The following RNGTT variants were observed in gnomAD, a reference collection of about 807,000 sequenced individuals.
The protein encoded by RNGTT is mRNA-capping enzyme.
A neutral mutation model predicts 79.3 loss-of-function variants in RNGTT; 33 were observed. The ratio of observed to expected loss-of-function variants is 0.42; its 90% confidence interval spans 0.32 to 0.56. The LOEUF (loss-of-function observed/expected upper bound fraction) is 0.56, where lower values mean the gene tolerates loss of function less well. RNGTT is among the 20% of genes least tolerant of loss of function. The probability of loss-of-function intolerance (pLI) is 0.17; values close to 1 mark genes in which losing one functional copy is unlikely to be tolerated. For synonymous variants in RNGTT, 222 were observed against 235.9 expected (o/e 0.94, Z 0.54); for missense variants, 497 against 739.1 (o/e 0.67, Z 3.80).
At chr6:88,880,618 T>C (rs994900710) in intron 8 of RNGTT, among the ~76,000 whole-genome samples, 2 of 152,188 alleles carry the variant, frequency 1.3e-5, no homozygotes, top group African/African-American at 4.8e-5. Flanking sequence ...TTTTCCTGTG[T>C]CGAGCATAAT....
intron 14 of RNGTT, among the ~76,000 whole-genome samples, chr6:88,621,018 CACTT>C (rs1772424081): frequency 1.3e-5 from 2 of 152,190 alleles, no homozygotes; most frequent in Admixed American, 6.6e-5. Context: ...TGGACATAAA[CACTT>C]AGTTATTTGG....
Position 88,678,387 on chromosome 6 carries a change from A to G in RNGTT, c.1472T>C (p.Val491Ala), listed in dbSNP as rs1425033024. The part of the protein sequence containing the change: ...LLPQNVGLLY[V>A]GGYERPFAQI... Reference sequence around the variant, plus strand: ...TGCAAAGGGTCTTTCATAACCTCCAACATACAGGAGGCCAACATTCTGAGG... The same window carrying G: ...TGCAAAGGGTCTTTCATAACCTCCAGCATACAGGAGGCCAACATTCTGAGG... The change falls in exon 14 of 16, where the codon GTT becomes GCT. Residue 491 changes from valine to alanine, a missense_variant. Val to Ala is a moderately conservative substitution (Grantham distance 64, BLOSUM62 0). Transcript: ENST00000369485. The G allele has an allele frequency of 6.7e-7, 1 of 1,493,824 alleles. No homozygotes were observed. The highest frequency in any genetic ancestry group is 9.0e-7 in the Non-Finnish European group (1 of 1,115,676). 92.5% of individuals were successfully genotyped at this position (1,493,824 alleles called of 1,614,324 possible).
At chr6:88,635,558 A>G (rs1773068459) in intron 14 of RNGTT, among the ~76,000 whole-genome samples, 4 of 152,064 alleles carry the variant, frequency 2.6e-5, no homozygotes, top group Admixed American at 2.6e-4. Flanking sequence ...TCTCTCCTCT[A>G]TATCACACTG....
chr6:88,759,342 G>T (rs767695445), intron 13 of RNGTT, among the ~76,000 whole-genome samples: 9 of 152,094 alleles, frequency 5.9e-5, no homozygotes, highest in Non-Finnish European at 1.2e-4. Flanking sequence ...TCCCTACCCG[G>T]CTCTAGAATA....
intron 14 of RNGTT, among the ~76,000 whole-genome samples, chr6:88,676,246 T>C (rs1396942916): frequency 1.3e-5 from 2 of 152,164 alleles, no homozygotes; most frequent in African/African-American, 4.8e-5. Flanking sequence ...AGAAATAGAT[T>C]CACACATATA....
At chr6:88,833,789 C>T (rs1302037135) in intron 11 of RNGTT, among the ~76,000 whole-genome samples, 4 of 152,148 alleles carry the variant, frequency 2.6e-5, no homozygotes, top group Admixed American at 6.5e-5. Context: ...TTTGGGAGGC[C>T]GAGGCAGGCA....
Position 88,885,899 on chromosome 6 carries a change from T to C in RNGTT, c.896+4596A>G, listed in dbSNP as rs573280868. Among the ~76,000 whole-genome samples the C allele has an allele frequency of 7.2e-5, 11 of 152,310 alleles. No homozygotes were observed. The East Asian group carries it at 2.1e-3, about 29-fold the overall frequency. On this transcript the variant is annotated intron_variant, in intron 8 of 15. Transcript: ENST00000369485. ...TACTACTGTGATGTTCTTGCAAGCA[T>C]GCCCAACTTGAATCATGAGGAAACA...
intron 14 of RNGTT, among the ~76,000 whole-genome samples, chr6:88,648,318 C>A (rs755041099): frequency 1.3e-5 from 2 of 151,944 alleles, no homozygotes; most frequent in Non-Finnish European, 2.9e-5. Context: ...AATATCAGTA[C>A]CCCCAATATT....
chr6:88,930,475 G>T (rs1358847864), intron 2 of RNGTT, among the ~76,000 whole-genome samples: 2 of 151,586 alleles, frequency 1.3e-5, no homozygotes, highest in Non-Finnish European at 1.5e-5. Context: ...TGTTTGGGGG[G>T]AAAAAGATTA....
At chr6:88,773,904 G>A (rs1778783495) in intron 12 of RNGTT, among the ~76,000 whole-genome samples, 1 of 152,116 alleles carries the variant, frequency 6.6e-6, no homozygotes, top group South Asian at 2.1e-4. Flanking sequence ...TTTGGCAGTA[G>A]ATTTTTAGTT....
In RNGTT at chr6:88,614,282, G is replaced by T. The variant is rs776404193; in HGVS notation, c.1620C>A (p.Asn540Lys). The T allele has an allele frequency of 6.2e-7, 1 of 1,613,878 alleles. No homozygotes were observed. Among genetic ancestry groups the T allele is most frequent in the South Asian group, 1.1e-5 (1 of 91,068 alleles). ...RTDKSFPNAY[N>K]TAMAVCNSIS... ...AGTTGTCATACTCACCCATGGCAGT[G>T]TTGTAGGCATTAGGAAAACTTTTGT... Residue 540 changes from asparagine (N) to lysine (K), a missense_variant, in exon 15 of 16, where the codon AAC (asparagine) becomes AAA (lysine). Transcript: ENST00000369485.
rs375250435 is a variant in RNGTT, at chr6:88,753,325, G to A, written c.1439+16449C>T. 5.3e-5 allele frequency among the ~76,000 whole-genome samples: 8 copies of A among 152,008 alleles called. No individual in the cohort carries two copies. The East Asian group carries it at 9.7e-4, about 18-fold the overall frequency. On this transcript the variant is annotated intron_variant, in intron 13 of 15. Coordinates refer to ENST00000369485, the MANE Select transcript of RNGTT (RefSeq NM_003800.5). The stretch of plus-strand genomic sequence containing the variant: ...TTGAGAACAGCCTAGGCAACACAGT[G>A]AGACCCTATCTCTACAAAAATTTAA...
At chr6:88,894,057 A>G (rs1423033501) in intron 6 of RNGTT, among the ~76,000 whole-genome samples, 1 of 152,162 alleles carries the variant, frequency 6.6e-6, no homozygotes, top group South Asian at 2.1e-4. Context: ...ACCCATCTTC[A>G]TTTTCATGTT....
At chr6:88,700,040 G>A (rs1023451444) in intron 13 of RNGTT, among the ~76,000 whole-genome samples, 13 of 152,124 alleles carry the variant, frequency 8.5e-5, no homozygotes, top group Non-Finnish European at 1.6e-4. Context: ...CCACTGATTT[G>A]TACATTTGAA....
intron 8 of RNGTT, among the ~76,000 whole-genome samples, chr6:88,882,595 A>G (rs569391374): frequency 5.4e-4 from 82 of 152,384 alleles, no homozygotes; most frequent in African/African-American, 1.8e-3. Flanking sequence ...AATATAACCA[A>G]GTGCTACGGT....
At position 88,737,041 on chromosome 6, in the gene RNGTT, A is replaced by C. The variant is rs553199627; in HGVS notation, c.1439+32733T>G. On this transcript the variant is annotated intron_variant, in intron 13 of 15. Coordinates refer to ENST00000369485, the MANE Select transcript of RNGTT (RefSeq NM_003800.5). ...CCATCCCAGTGGATCCAGAAGGCAA[A>C]GCCAGTTGTTCTGAAAGGCACAGCA... Among the ~76,000 whole-genome samples, 5 of 152,324 alleles carry C rather than the reference A, an allele frequency of 3.3e-5. No homozygotes were observed. The South Asian group carries it at 1.0e-3, about 32-fold the overall frequency.
At chr6:88,683,951 G>T (rs117217533) in intron 13 of RNGTT, among the ~76,000 whole-genome samples, 3,402 of 151,282 alleles carry the variant, frequency 0.022, 67 homozygotes, top group Non-Finnish European at 0.036. Context: ...TGAGTTAAAG[G>T]TTACAGTGAG....
chr6:88,724,652 T>C (rs1776825022), intron 13 of RNGTT, among the ~76,000 whole-genome samples: 1 of 152,224 alleles, frequency 6.6e-6, no homozygotes, highest in Non-Finnish European at 1.5e-5. Flanking sequence ...CAGTTCATAA[T>C]AGAGTTCCTG....
chr6:88,922,652 C>T (rs1224106385), intron 4 of RNGTT, among the ~76,000 whole-genome samples: 2 of 152,202 alleles, frequency 1.3e-5, no homozygotes, highest in South Asian at 2.1e-4. Flanking sequence ...CTCAGCCTCC[C>T]AAGTAGCTGG....
Sources: allele counts gnomAD v4.1 joint callset (sites outside exome capture counted in the v4.1 genomes callset), GRCh38; gene constraint gnomAD v4.1.1; transcripts MANE v1.5; gene names NCBI Gene and HGNC (gene_info 2026-07-23, HGNC 2026-07-21).